Variants in ZDHHC3 observed in about 807,000 individuals in gnomAD.
ZDHHC3 encodes zDHHC palmitoyltransferase 3, also known as palmitoyltransferase ZDHHC3.
A neutral mutation model predicts 30.6 loss-of-function variants in ZDHHC3; 9 were observed. The ratio of observed to expected loss-of-function variants is 0.29; its 90% CI spans 0.18 to 0.51. The LOEUF is 0.51. Ranked by LOEUF, ZDHHC3 falls within the 20% of genes least tolerant of loss-of-function variation. ZDHHC3 has a pLI of 0.97. For synonymous variants in ZDHHC3, 136 were observed against 140.2 expected (o/e 0.97, Z 0.21); for missense variants, 246 against 384.2 (o/e 0.64, Z 3.01).
intron 3 of ZDHHC3, chr3:44,938,086 C>G (rs967789001): frequency 4.1e-6 from 1 of 244,548 alleles, no homozygotes; most frequent in Non-Finnish European, 8.5e-6. Flanking sequence ...TGGGTTCAAG[C>G]AATTCTCCTG....
At chr3:44,951,601 C>T (rs1304621982) in intron 2 of ZDHHC3, among the ~76,000 whole-genome samples, 1 of 152,156 alleles carries the variant, frequency 6.6e-6, no homozygotes, top group Admixed American at 6.5e-5. Context: ...TCAATCCTGG[C>T]CCTCAGGGCC....
At chr3:44,952,099 A>G (rs1703508387) in intron 2 of ZDHHC3, among the ~76,000 whole-genome samples, 1 of 152,168 alleles carries the variant, frequency 6.6e-6, no homozygotes, top group East Asian at 1.9e-4. Flanking sequence ...GCTGTCCCAA[A>G]GGCACTGTGC....
chr3:44,969,227 T>C (rs1575958231), intron 1 of ZDHHC3, among the ~76,000 whole-genome samples: 1 of 152,174 alleles, frequency 6.6e-6, no homozygotes, highest in African/African-American at 2.4e-5. Context: ...TTCTGCTTGA[T>C]TGTTGCCAAA....
intron 2 of ZDHHC3, among the ~76,000 whole-genome samples, chr3:44,948,402 T>C (rs1243037378): frequency 6.6e-6 from 1 of 152,220 alleles, no homozygotes; most frequent in East Asian, 1.9e-4. Flanking sequence ...TGTCTTGCAC[T>C]GTGAAAATGA....
rs1251808938 is a variant in ZDHHC3, at chr3:44,923,098, C to T, written c.*3591G>A. 77 of 939,134 alleles carry T rather than the reference C, an allele frequency of 8.2e-5. No homozygotes were observed. Among genetic ancestry groups the T allele is most frequent in the Middle Eastern group, 5.5e-4 (1 of 1,830 alleles). 58.2% of individuals were successfully genotyped at this position (939,134 alleles called of 1,614,324 possible). A position where few individuals can be genotyped will look rare whatever the true frequency, so the allele number is the denominator to read the frequency against. On this transcript the variant is annotated 3_prime_UTR_variant, in exon 7 of 7. Transcript: ENST00000424952. Reference sequence around the variant, plus strand: ...AAATGTTTGTTTTTTTTTTTTGAGACGGAGTCTCACTCTGTCGCCCAGGCT... The same window carrying T: ...AAATGTTTGTTTTTTTTTTTTGAGATGGAGTCTCACTCTGTCGCCCAGGCT...
intron 1 of ZDHHC3, among the ~76,000 whole-genome samples, chr3:44,974,547 C>T (rs1259957344): frequency 6.6e-6 from 1 of 152,088 alleles, no homozygotes. Flanking sequence ...CACATAAAAC[C>T]CAGCCGTCCA....
At position 44,926,692 on chromosome 3, in the gene ZDHHC3, G is replaced by C. The variant is rs1218336707; in HGVS notation, c.897C>G (p.Val299=). The C allele has an allele frequency of 2.5e-6, 4 of 1,602,904 alleles. No individual in the cohort carries two copies. In the African/African-American group the frequency reaches 4.0e-5, roughly 16 times the overall value. ...TGGCCATGCCGGTCGGGGTCCTTCAGACCACATACTGGTACGGGTCTGCCT... is the reference window on the plus strand; with the variant it reads ...TGGCCATGCCGGTCGGGGTCCTTCACACCACATACTGGTACGGGTCTGCCT... The part of the protein sequence containing the change: ...QGKADPYQYV[V] Residue 299 remains valine, a synonymous_variant, in exon 7 of 7, where the codon GTC becomes GTG. Coordinates refer to ENST00000424952, the MANE Select transcript of ZDHHC3 (RefSeq NM_001135179.2).
At chr3:44,931,000 T>C (rs954821146) in intron 5 of ZDHHC3, among the ~76,000 whole-genome samples, 2 of 152,196 alleles carry the variant, frequency 1.3e-5, no homozygotes, top group South Asian at 4.1e-4. Flanking sequence ...TTTCCTGTCC[T>C]TTGCATTGTG....
chr3:44,949,001 G>A (rs1381640195), intron 2 of ZDHHC3, among the ~76,000 whole-genome samples: 3 of 152,196 alleles, frequency 2.0e-5, no homozygotes, highest in Non-Finnish European at 4.4e-5. Flanking sequence ...ACATGCAAGC[G>A]CACCTCAGTG....
chr3:44,961,999 A>G (rs1704519924), intron 1 of ZDHHC3, among the ~76,000 whole-genome samples: 1 of 152,226 alleles, frequency 6.6e-6, no homozygotes, highest in Admixed American at 6.5e-5. Context: ...TTGGCTATCA[A>G]ATAAATAACA....
chr3:44,964,718 G>A (rs989896014), intron 1 of ZDHHC3, among the ~76,000 whole-genome samples: 1 of 152,200 alleles, frequency 6.6e-6, no homozygotes, highest in Non-Finnish European at 1.5e-5. Flanking sequence ...CAACAGGCCT[G>A]AGTCTCATTT....
In ZDHHC3 at chr3:44,925,185, T is replaced by G. The variant is rs1312617881; in HGVS notation, c.*1504A>C. The stretch of plus-strand genomic sequence containing the variant: ...AAATCAGAACAGGTTTTGGAAAAAT[T>G]TTATTGCATTTTGTTTCCATGTGGA... On this transcript the variant is annotated 3_prime_UTR_variant, in exon 7 of 7. Transcript: ENST00000424952. 2 of 985,656 alleles carry G rather than the reference T, an allele frequency of 2.0e-6. No individual in the cohort carries two copies. The highest frequency in any genetic ancestry group is 6.1e-5 in the Admixed American group (1 of 16,268). 61.1% of individuals were successfully genotyped at this position (985,656 alleles called of 1,614,324 possible).
chr3:44,944,909 T>C (rs540610145), intron 3 of ZDHHC3, among the ~76,000 whole-genome samples: 1 of 152,308 alleles, frequency 6.6e-6, no homozygotes, highest in Non-Finnish European at 1.5e-5. Context: ...AGGTCCTATG[T>C]CAGGTGTGGC....
rs948713711 is a variant in ZDHHC3, at chr3:44,921,241, CTG to C, written c.*5446_*5447del. ...CTAAGGCTCCCGAGGAAGGAAGAGT[CTG>C]TGCAGAACAGACTCAGCTGAGCCCC... is the stretch of plus-strand genomic sequence containing the variant. On this transcript the variant is annotated 3_prime_UTR_variant, in exon 7 of 7. Transcript: ENST00000424952. 1.0e-6 allele frequency: 1 copy of C among 985,126 alleles called. No homozygotes were observed. Among genetic ancestry groups the C allele is most frequent in the Non-Finnish European group, 1.2e-6 (1 of 829,922 alleles). 61.0% of individuals were successfully genotyped at this position (985,126 alleles called of 1,614,324 possible).
chr3:44,920,797 T>G lies in ZDHHC3; in HGVS notation c.*5892A>C. 1 of 985,352 alleles carries G rather than the reference T, an allele frequency of 1.0e-6. No individual in the cohort carries two copies. Among genetic ancestry groups the G allele is most frequent in the Non-Finnish European group, 1.2e-6 (1 of 829,918 alleles). 61.0% of individuals were successfully genotyped at this position (985,352 alleles called of 1,614,324 possible). A position where few individuals can be genotyped will look rare whatever the true frequency, so the allele number is the denominator to read the frequency against. ...ATACTCAACCTCCTCACCAACCTCA[T>G]AAAGTATTCCAGACAGAGCCTGGCC... On this transcript the variant is annotated 3_prime_UTR_variant, in exon 7 of 7. Coordinates refer to ENST00000424952, the MANE Select transcript of ZDHHC3 (RefSeq NM_001135179.2).
intron 4 of ZDHHC3, chr3:44,933,565 G>T: frequency 1.9e-6 from 1 of 533,142 alleles, no homozygotes. Flanking sequence ...GCACTAAGTA[G>T]ACTCCACCTA....
intron 5 of ZDHHC3, among the ~76,000 whole-genome samples, chr3:44,932,346 A>AAGAAGTCAGCATGTATT (rs1701567904): frequency 6.6e-6 from 1 of 152,226 alleles, no homozygotes; most frequent in African/African-American, 2.4e-5. Flanking sequence ...CAGCATGTAT[A>AAGAAGTCAGCATGTATT]GGAAGAGCAA....
intron 1 of ZDHHC3, among the ~76,000 whole-genome samples, chr3:44,966,602 A>G (rs575016593): frequency 6.6e-6 from 1 of 152,314 alleles, no homozygotes; most frequent in East Asian, 1.9e-4. Context: ...TTTTAGAGTG[A>G]TAGTCTTAAA....
chr3:44,968,581 A>G (rs1182030461), intron 1 of ZDHHC3, among the ~76,000 whole-genome samples: 1 of 152,186 alleles, frequency 6.6e-6, no homozygotes, highest in Non-Finnish European at 1.5e-5. Context: ...TTATAGTCCC[A>G]GCTACTTGGG....
Sources: allele counts gnomAD v4.1 joint callset (sites outside exome capture counted in the v4.1 genomes callset), GRCh38; gene constraint gnomAD v4.1.1; transcripts MANE v1.5; gene names NCBI Gene and HGNC (gene_info 2026-07-23, HGNC 2026-07-21).